The following EPHB6 variants were observed in gnomAD, a reference collection of about 807,000 sequenced individuals.
EPHB6 encodes the protein EPH receptor B6, also known as ephrin type-B receptor 6.
A neutral mutation model predicts 107.0 loss-of-function variants in EPHB6; 51 were observed. That is an observed-to-expected ratio of 0.48 (90% CI 0.38 to 0.60). The LOEUF (loss-of-function observed/expected upper bound fraction) is 0.60. Ranked by LOEUF, EPHB6 falls within the 20% of genes least tolerant of loss-of-function variation. The pLI is 0.00. For missense variants in EPHB6, 1,141 were observed against 1,355.5 expected (o/e 0.84, Z 2.48); for synonymous variants, 553 against 549.0 (o/e 1.01, Z -0.10).
At position 142,866,638 on chromosome 7, in the gene EPHB6, G is replaced by T; in HGVS notation, c.1587+33G>T. On this transcript the variant is annotated intron_variant, in intron 10 of 19. Transcript: ENST00000652003. This position sits in a 1 kb window ranked among gnomAD's most constrained non-coding sequence, Gnocchi z 5.2. ...GGAGGAGTGGGGGTTCCGCAGTAGG[G>T]CTGGTAGGAGCTCATAGGCCTCACA... The T allele has an allele frequency of 6.2e-7, 1 of 1,613,564 alleles. No homozygotes were observed. Among genetic ancestry groups the T allele is most frequent in the East Asian group, 2.2e-5 (1 of 44,866 alleles).
intron 1 of EPHB6, 48 bp from the exon 2 acceptor site, chr7:142,861,004 A>G (rs1052429822): frequency 2.6e-5 from 4 of 151,934 alleles, no homozygotes; most frequent in Non-Finnish European, 5.9e-5. Flanking sequence ...TCTCAGTTCT[A>G]TGTCTTTTGA....
Position 142,866,816 on chromosome 7 carries a change from C to T in EPHB6, c.1588-90C>T. ...AGCACTGGGCATGTGTCTGAGAGCC[C>T]TGTCAACCAGGGAGGGTGGCTGGGG... is the stretch of plus-strand genomic sequence containing the variant. On this transcript the variant is annotated intron_variant, in intron 10 of 19. Coordinates refer to ENST00000652003, the MANE Select transcript of EPHB6 (RefSeq NM_004445.6). The surrounding 1 kb of genome is among the most constrained non-coding windows in gnomAD (Gnocchi z 5.2). 1 of 1,607,558 alleles carries T rather than the reference C, an allele frequency of 6.2e-7. No individual in the cohort carries two copies. Among genetic ancestry groups the T allele is most frequent in the Non-Finnish European group, 8.5e-7 (1 of 1,175,110 alleles).
chr7:142,868,057 TGAG>T lies in EPHB6; in HGVS notation c.1918+12_1918+14del, dbSNP rs1794701410. On this transcript the variant is annotated intron_variant, in intron 13 of 19. Transcript: ENST00000652003. This position sits in a 1 kb window ranked among gnomAD's most constrained non-coding sequence, Gnocchi z 4.2. ...AGCAATACAGCAGCCCAGGTGGGGA[TGAG>T]GAGAGGAAATGGGTGGGGCTGGGGA... 6.2e-7 allele frequency: 1 copy of T among 1,605,158 alleles called. No homozygotes were observed. Among genetic ancestry groups the T allele is most frequent in the Non-Finnish European group, 8.5e-7 (1 of 1,175,834 alleles).
At position 142,869,823 on chromosome 7, in the gene EPHB6, A is replaced by G. The variant is rs781229332; in HGVS notation, c.2467A>G (p.Ser823Gly). The G allele has an allele frequency of 9.2e-5, 149 of 1,614,094 alleles. No homozygotes were observed. The Admixed American group carries it at 2.4e-3, about 26-fold the overall frequency. Reference sequence around the variant, plus strand: ...TTTTGACTTTACCCCTCAGGGCCCAAGTTGTTTGCTTCGCTGGGCAGCCCC... The same window carrying G: ...TTTTGACTTTACCCCTCAGGGCCCAGGTTGTTTGCTTCGCTGGGCAGCCCC... ...ARLGHSPQGPSCLLRWAAPEV... is the reference protein window; with the variant it reads ...ARLGHSPQGPGCLLRWAAPEV... The change falls in exon 17 of 20, where the codon AGT (serine) becomes GGT (glycine). Residue 823 changes from serine (S) to glycine (G), a missense_variant. Ser to Gly is a moderately conservative substitution (Grantham distance 56). Coordinates refer to ENST00000652003, the MANE Select transcript of EPHB6 (RefSeq NM_004445.6). The surrounding 1 kb of genome is among the most constrained non-coding windows in gnomAD (Gnocchi z 4.5).
In EPHB6 at chr7:142,864,399, G is replaced by T. The variant is rs149090003; in HGVS notation, c.599G>T (p.Arg200Leu). 6.2e-7 allele frequency: 1 copy of T among 1,612,756 alleles called. No individual in the cohort carries two copies. ...GGACTGCAACTGAACGTCAAAGAGC[G>T]GAGCTTTGGGCCTCTCACCCAACGC... Reference protein sequence around the residue: ...RAGLQLNVKERSFGPLTQRGF... With the variant: ...RAGLQLNVKELSFGPLTQRGF... Residue 200 changes from arginine (R) to leucine (L), a missense_variant, in exon 7 of 20, where the codon CGG becomes CTG. This residue lies in a region of EPHB6 where 221 missense variants were observed against 300.5 expected (regional missense o/e 0.74). Coordinates refer to ENST00000652003, the MANE Select transcript of EPHB6 (RefSeq NM_004445.6).
chr7:142,867,404 G>A lies in EPHB6; in HGVS notation c.1751-204G>A. The A allele has an allele frequency of 1.5e-6, 1 of 656,200 alleles. No individual in the cohort carries two copies. Among genetic ancestry groups the A allele is most frequent in the Admixed American group, 2.1e-5 (1 of 47,838 alleles). The allele number at this position is 656,200 out of a possible 1,614,324, so 40.6% of individuals were successfully genotyped here. A position where few individuals can be genotyped will look rare whatever the true frequency, so the allele number is the denominator to read the frequency against. On this transcript the variant is annotated intron_variant, in intron 11 of 19. Transcript: ENST00000652003. The surrounding 1 kb of genome is among the most constrained non-coding windows in gnomAD (Gnocchi z 5.3). ...GATGTGGAGGGCTGTGGGGATGTGT[G>A]TGTGTGTTGTGTGTCCCTGTGTGTG... is the stretch of plus-strand genomic sequence containing the variant.
Position 142,868,929 on chromosome 7 carries a change from C to T in EPHB6, c.2287-45C>T, listed in dbSNP as rs200553458. On this transcript the variant is annotated intron_variant, in intron 15 of 19. Transcript: ENST00000652003. This position sits in a 1 kb window ranked among gnomAD's most constrained non-coding sequence, Gnocchi z 4.2. Reference sequence around the variant, plus strand: ...GCTATGCAGTATGTTGAGGTCTCCCCCTGTCTCCGATCACTGACCTCTGCC... The same window carrying T: ...GCTATGCAGTATGTTGAGGTCTCCCTCTGTCTCCGATCACTGACCTCTGCC... 2 of 1,598,994 alleles carry T rather than the reference C, an allele frequency of 1.3e-6. No individual in the cohort carries two copies. The highest frequency in any genetic ancestry group is 2.7e-5 in the African/African-American group (2 of 74,692).
At position 142,865,945 on chromosome 7, in the gene EPHB6, C is replaced by T. The variant is rs1469515162; in HGVS notation, c.1106-15C>T. 1 of 1,613,158 alleles carries T rather than the reference C, an allele frequency of 6.2e-7. No individual in the cohort carries two copies. The highest frequency in any genetic ancestry group is 2.2e-5 in the East Asian group (1 of 44,864). On this transcript the variant is annotated splice_polypyrimidine_tract_variant and intron_variant, in intron 8 of 19. Coordinates refer to ENST00000652003, the MANE Select transcript of EPHB6 (RefSeq NM_004445.6). ...CCTCTTGGCCCTTGGACTGCCATATCCTCCGGCCCCCCAGGTCCTCCATCG... is the reference window on the plus strand; with the variant it reads ...CCTCTTGGCCCTTGGACTGCCATATTCTCCGGCCCCCCAGGTCCTCCATCG...
At chr7:142,860,489 A>T (rs181020391) in intron 1 of EPHB6, among the ~76,000 whole-genome samples, 7 of 152,326 alleles carry the variant, frequency 4.6e-5, no homozygotes, top group Admixed American at 2.0e-4. Flanking sequence ...GCCACTGGTG[A>T]CGGTGCCAAG....
intron 7 of EPHB6, among the ~76,000 whole-genome samples, chr7:142,864,961 C>A (rs1426427497): frequency 6.6e-6 from 1 of 152,234 alleles, no homozygotes; most frequent in African/African-American, 2.4e-5. Flanking sequence ...TCTTCTGGAG[C>A]CTTTCACAGC....
In EPHB6 at chr7:142,870,443, G is replaced by C. The variant is rs750437960; in HGVS notation, c.2804+36G>C. ...TGGGGCTAGAGCCTGGGAAAGCCAG[G>C]GAGGGTAGATGCAAACCTAAAGAAA... On this transcript the variant is annotated intron_variant, in intron 18 of 19. Coordinates refer to ENST00000652003, the MANE Select transcript of EPHB6 (RefSeq NM_004445.6). The C allele has an allele frequency of 2.5e-6, 4 of 1,613,802 alleles. No homozygotes were observed. The South Asian group carries it at 3.3e-5, about 13-fold the overall frequency.
chr7:142,869,242 C>T lies in EPHB6; in HGVS notation c.2460+95C>T, dbSNP rs1794779080. ...GTGAGCTGGAATCTGGGGTAGGTAC[C>T]TCAGCCGGGGTGTCATAGTCCCTGA... is the stretch of plus-strand genomic sequence containing the variant. On this transcript the variant is annotated intron_variant, in intron 16 of 19. Coordinates refer to ENST00000652003, the MANE Select transcript of EPHB6 (RefSeq NM_004445.6). This position sits in a 1 kb window ranked among gnomAD's most constrained non-coding sequence, Gnocchi z 4.5. 1 of 1,426,684 alleles carries T rather than the reference C, an allele frequency of 7.0e-7. No individual in the cohort carries two copies. Among genetic ancestry groups the T allele is most frequent in the African/African-American group, 1.4e-5 (1 of 71,444 alleles). 88.4% of individuals were successfully genotyped at this position (1,426,684 alleles called of 1,614,324 possible).
At chr7:142,863,084 C>G (rs1290649141) in intron 4 of EPHB6, 43 bp from the exon 5 acceptor site, 1 of 675,988 alleles carries the variant, frequency 1.5e-6, no homozygotes, top group African/African-American at 1.8e-5. Flanking sequence ...TGAAGAAACA[C>G]TTTCTTCCCA....
intron 1 of EPHB6, among the ~76,000 whole-genome samples, chr7:142,856,227 G>A (rs774668515): frequency 2.6e-4 from 39 of 152,180 alleles, no homozygotes; most frequent in Admixed American, 2.5e-3. Context: ...AGAGACCAGT[G>A]GGAGGGAGCT....
rs759243877 is a variant in EPHB6, at chr7:142,866,050, GA to G, written c.1197del (p.Asp401ThrfsTer41). 6.2e-7 allele frequency: 1 copy of G among 1,612,046 alleles called. No individual in the cohort carries two copies. Among genetic ancestry groups the G allele is most frequent in the South Asian group, 1.1e-5 (1 of 90,776 alleles). On this transcript the variant is annotated frameshift_variant, in exon 9 of 20. Transcript: ENST00000652003. LOFTEE classifies it high-confidence loss of function. The surrounding 1 kb of genome is among the most constrained non-coding windows in gnomAD (Gnocchi z 5.2). ...CGCCTGCCTCGGGAGCTGGGGGGTC[GA>G]GGGGACCTGCTCTTCAATGTCGTGT... ...HWRLPRELGG[R>X]GDLLFNVVCK...
Position 142,868,002 on chromosome 7 carries a change from G to C in EPHB6, c.1871G>C (p.Arg624Pro), listed in dbSNP as rs145216040. 1.3e-6 allele frequency: 2 copies of C among 1,579,072 alleles called. No homozygotes were observed. The highest frequency in any genetic ancestry group is 2.7e-5 in the African/African-American group (2 of 74,006). ...GTCACCGTTTTGTTCCTCAGGAAGCGGCGTGGGACTGGCTACACAGAGCAG... is the reference window on the plus strand; with the variant it reads ...GTCACCGTTTTGTTCCTCAGGAAGCCGCGTGGGACTGGCTACACAGAGCAG... ...TVLAVVFQRK[R>P]RGTGYTEQLQ... Residue 624 changes from arginine (R) to proline (P), a missense_variant, in exon 13 of 20, where the codon CGG becomes CCG. Coordinates refer to ENST00000652003, the MANE Select transcript of EPHB6 (RefSeq NM_004445.6). This position sits in a 1 kb window ranked among gnomAD's most constrained non-coding sequence, Gnocchi z 4.2.
At chr7:142,863,043 C>T (rs1005532084) in intron 4 of EPHB6, 84 bp from the exon 5 acceptor site, 8 of 604,980 alleles carry the variant, frequency 1.3e-5, no homozygotes, top group African/African-American at 5.6e-5. Context: ...GACACAGACA[C>T]GGGGTCAGCT....
chr7:142,859,699 A>G (rs1278233078), intron 1 of EPHB6, among the ~76,000 whole-genome samples: 1 of 152,204 alleles, frequency 6.6e-6, no homozygotes, highest in African/African-American at 2.4e-5. Context: ...TCCTCATCAA[A>G]CATTAGAAGT....
chr7:142,859,729 G>A (rs1054510038), intron 1 of EPHB6, among the ~76,000 whole-genome samples: 1 of 152,136 alleles, frequency 6.6e-6, no homozygotes, highest in African/African-American at 2.4e-5. Flanking sequence ...GGTACTTTAA[G>A]ATCCTCAACC....
Sources: gnomAD v4.1 joint callset for allele counts (sites outside exome capture counted in the v4.1 genomes callset) on GRCh38, gnomAD v4.1.1 for gene constraint, gnomAD v4.1.1 regional missense constraint, Gnocchi (gnomAD v3.1) non-coding constraint, MANE v1.5 for transcripts, NCBI Gene and HGNC (gene_info 2026-07-23, HGNC 2026-07-21) for gene names.